Variants in PRAMEF4 observed in about 807,000 individuals in gnomAD.
The protein encoded by PRAMEF4 is PRAME family member 4, also known as RP5-845O24.6.
In PRAMEF4, 18 loss-of-function variants were observed where a neutral mutation model predicts 34.4. The observed-to-expected ratio is 0.52, with a 90% CI of 0.36 to 0.78. PRAMEF4 has a LOEUF of 0.78. Ranked by LOEUF, PRAMEF4 falls within the 30% of genes least tolerant of loss-of-function variation. The probability of loss-of-function intolerance (pLI) is 0.00; values close to 1 mark genes in which losing one functional copy is unlikely to be tolerated. For missense variants in PRAMEF4, 482 were observed against 569.1 expected, an observed-to-expected ratio of 0.85 and a Z score of 1.56; for synonymous variants, 156 against 219.3, an observed-to-expected ratio of 0.71 and a Z score of 2.55.
chr1:12,881,273 G>T (rs1640882712), intron 3 of PRAMEF4, among the ~76,000 whole-genome samples: 1 of 148,556 alleles, frequency 6.7e-6, no homozygotes, highest in Non-Finnish European at 1.5e-5. Flanking sequence ...GGCTGAGGCA[G>T]GAGAATCGCA....
At position 12,885,937 on chromosome 1, in the gene PRAMEF4, A is replaced by G. The variant is rs1404808733; in HGVS notation, c.-17+210T>C. Among the ~76,000 whole-genome samples the G allele has an allele frequency of 5.1e-5, 5 of 98,796 alleles. 1 individual carries two copies. The highest frequency in any genetic ancestry group is 9.7e-5 in the Non-Finnish European group (5 of 51,746). The allele number at this position is 98,796 out of a possible 152,430, so 64.8% of individuals were successfully genotyped here. A position where few individuals can be genotyped will look rare whatever the true frequency, so the allele number is the denominator to read the frequency against. ...TCACTGCTCCCTTCAAGAATTTTAAAATGGCATCAACCAAAGCACAATCAA... is the reference window on the plus strand; with the variant it reads ...TCACTGCTCCCTTCAAGAATTTTAAGATGGCATCAACCAAAGCACAATCAA... On this transcript the variant is annotated intron_variant, in intron 1 of 3. Transcript: ENST00000235349.
rs767309848 is a variant in PRAMEF4 at position 12,883,149 on chromosome 1, A to T, written c.246T>A (p.Ala82=). ...GCAGTGCATCCAGCCCATCGAGCAC[A>T]GCTTGGAAGGCCTCCAGACAAGGCA... ...IKMPCLEAFQ[A]VLDGLDALLN... Residue 82 remains alanine (A), a synonymous_variant, in exon 2 of 4, where the codon GCT becomes GCA. Transcript: ENST00000235349. 17 of 1,601,552 alleles carry T rather than the reference A, an allele frequency of 1.1e-5. 2 individuals are homozygous for T. The highest frequency in any genetic ancestry group is 1.8e-4 in the Middle Eastern group (1 of 5,490).
chr1:12,885,295 C>T lies in PRAMEF4; in HGVS notation c.-17+852G>A, dbSNP rs5005747. Among the ~76,000 whole-genome samples the T allele has an allele frequency of 2.2e-4, 32 of 147,840 alleles. 2 individuals are homozygous for T. The highest frequency in any genetic ancestry group is 1.4e-3 in the East Asian group (7 of 5,058). On this transcript the variant is annotated intron_variant, in intron 1 of 3. Coordinates refer to ENST00000235349, the MANE Select transcript of PRAMEF4 (RefSeq NM_001009611.4). ...CAGGCATGCACCCCCCACAGCCATGCCTCCATTTGGGTGGAAGAGGATGTG... is the reference window on the plus strand; with the variant it reads ...CAGGCATGCACCCCCCACAGCCATGTCTCCATTTGGGTGGAAGAGGATGTG...
intron 1 of PRAMEF4, among the ~76,000 whole-genome samples, chr1:12,884,350 G>T (rs1308902622): frequency 6.7e-6 from 1 of 149,428 alleles, no homozygotes; most frequent in Non-Finnish European, 1.5e-5. Context: ...AGCTTTGAAA[G>T]CTATGTGACA....
chr1:12,879,831 T>G lies in PRAMEF4; in HGVS notation c.1150A>C (p.Thr384Pro). 2 of 1,598,506 alleles carry G rather than the reference T, an allele frequency of 1.3e-6. No individual in the cohort carries two copies. Among genetic ancestry groups the G allele is most frequent in the Non-Finnish European group, 1.7e-6 (2 of 1,173,358 alleles). Reference sequence around the variant, plus strand: ...ATGGGATTTCCACAGAAGCTGAAGGTGTTGAGCTCAAAGCAGCGGCTCAGG... The same window carrying G: ...ATGGGATTTCCACAGAAGCTGAAGGGGTTGAGCTCAAAGCAGCGGCTCAGG... ...PALSRCFELN[T>P]FSFCGNPICM... Residue 384 changes from threonine (T) to proline (P), a missense_variant, in exon 4 of 4, where the codon ACC (threonine) becomes CCC (proline). Around this residue, in one of 6 missense-constraint regions of PRAMEF4, gnomAD observed 116 missense variants for 105.2 expected, o/e 1.10. Coordinates refer to ENST00000235349, the MANE Select transcript of PRAMEF4 (RefSeq NM_001009611.4).
At position 12,882,136 on chromosome 1, in the gene PRAMEF4, C is replaced by G. The variant is rs764822617; in HGVS notation, c.593G>C (p.Arg198Thr). 2 of 1,582,826 alleles carry G rather than the reference C, an allele frequency of 1.3e-6. No homozygotes were observed. Among genetic ancestry groups the G allele is most frequent in the Admixed American group, 1.7e-5 (1 of 57,330 alleles). ...KILGMPFRNI[R>T]SILKMVNLDC... ...TAGGTTCACCATTTTCAGGATGCTT[C>G]TGATATTGCGGAAGGGCATTCCCAA... Residue 198 changes from arginine (R) to threonine (T), a missense_variant, in exon 3 of 4, where the codon AGA becomes ACA. Arg to Thr is a moderately conservative substitution (Grantham distance 71). Coordinates refer to ENST00000235349, the MANE Select transcript of PRAMEF4 (RefSeq NM_001009611.4).
chr1:12,882,537 T>A, intron 2 of PRAMEF4, 102 bp from the exon 3 acceptor site: 1 of 1,495,482 alleles, frequency 6.7e-7, no homozygotes, highest in East Asian at 2.3e-5. Context: ...TTCTTGTCCC[T>A]CTCTCTGACT....
rs5005747 is a variant in PRAMEF4 at position 12,885,295 on chromosome 1, C to A, written c.-17+852G>T. 1.3e-3 allele frequency among the ~76,000 whole-genome samples: 192 copies of A among 147,884 alleles called. 13 individuals carry two copies. The highest frequency in any genetic ancestry group is 4.7e-3 in the African/African-American group (187 of 39,414). ...CAGGCATGCACCCCCCACAGCCATGCCTCCATTTGGGTGGAAGAGGATGTG... is the reference window on the plus strand; with the variant it reads ...CAGGCATGCACCCCCCACAGCCATGACTCCATTTGGGTGGAAGAGGATGTG... On this transcript the variant is annotated intron_variant, in intron 1 of 3. Coordinates refer to ENST00000235349, the MANE Select transcript of PRAMEF4 (RefSeq NM_001009611.4).
rs2486697 is a variant in PRAMEF4 at position 12,882,358 on chromosome 1, T to G, written c.371A>C (p.His124Pro). 11 of 1,547,850 alleles carry G rather than the reference T, an allele frequency of 7.1e-6. 1 individual carries two copies. The South Asian group carries it at 1.1e-4, about 16-fold the overall frequency. Reference protein sequence around the residue: ...FWMVWSEAMAHGCFLNAKRNK... With the variant: ...FWMVWSEAMAPGCFLNAKRNK... ...CCTCTTGGCATTGAGGAAGCACCCA[T>G]GGGCCATAGCTTCAGACCAAACCAT... is the stretch of plus-strand genomic sequence containing the variant. The change falls in exon 3 of 4, where the codon CAT becomes CCT. Residue 124 changes from histidine to proline, a missense_variant. This residue lies in a region of PRAMEF4 where 72 missense variants were observed against 128.9 expected (regional missense o/e 0.56). Coordinates refer to ENST00000235349, the MANE Select transcript of PRAMEF4 (RefSeq NM_001009611.4).
intron 3 of PRAMEF4, among the ~76,000 whole-genome samples, chr1:12,880,421 C>A (rs1340496154): frequency 6.7e-6 from 1 of 150,344 alleles, no homozygotes; most frequent in East Asian, 2.0e-4. Flanking sequence ...ACTAAAAATC[C>A]AAAAATTAGC....
intron 1 of PRAMEF4, among the ~76,000 whole-genome samples, chr1:12,884,792 A>T (rs551775261): frequency 3.3e-5 from 5 of 150,080 alleles, no homozygotes; most frequent in African/African-American, 1.2e-4. Flanking sequence ...GCTTTCTTAA[A>T]GATTAACTGA....
In PRAMEF4 at chr1:12,881,062, T is replaced by C. The variant is rs576054486; in HGVS notation, c.875+792A>G. ...CACTTCACTTCCCTACTTCACATCA[T>C]CTTCTTAAAAATTATCTTGTTGGCT... On this transcript the variant is annotated intron_variant, in intron 3 of 3. Coordinates refer to ENST00000235349, the MANE Select transcript of PRAMEF4 (RefSeq NM_001009611.4). Among the ~76,000 whole-genome samples the C allele has an allele frequency of 2.7e-5, 4 of 148,402 alleles. No homozygotes were observed. In the South Asian group the frequency reaches 8.6e-4, roughly 32 times the overall value.
intron 3 of PRAMEF4, among the ~76,000 whole-genome samples, chr1:12,881,410 A>G (rs2100420997): frequency 6.7e-6 from 1 of 148,950 alleles, no homozygotes; most frequent in African/African-American, 2.5e-5. Context: ...TTGTTTATTC[A>G]TTTCTGACAG....
intron 1 of PRAMEF4, among the ~76,000 whole-genome samples, chr1:12,885,798 A>T (rs1286464309): frequency 6.8e-6 from 1 of 146,474 alleles, no homozygotes; most frequent in East Asian, 2.0e-4. Context: ...CCTCAAAAAA[A>T]AAACGTTGTG....
At position 12,883,125 on chromosome 1, in the gene PRAMEF4, C is replaced by G. The variant is rs753151127; in HGVS notation, c.270G>C (p.Leu90=). The G allele has an allele frequency of 1.9e-6, 3 of 1,601,548 alleles. No individual in the cohort carries two copies. Among genetic ancestry groups the G allele is most frequent in the Non-Finnish European group, 2.6e-6 (3 of 1,174,324 alleles). ...FQAVLDGLDA[L]LNLGVRPRRW... ...ACCTGGGACGAACCCCTAGGTTAAG[C>G]AGTGCATCCAGCCCATCGAGCACAG... Residue 90 remains leucine (L), a synonymous_variant, in exon 2 of 4, where the codon CTG becomes CTC. Coordinates refer to ENST00000235349, the MANE Select transcript of PRAMEF4 (RefSeq NM_001009611.4).
In PRAMEF4 at chr1:12,886,142, C is replaced by G. The variant is rs998580987; in HGVS notation, c.-17+5G>C. On this transcript the variant is annotated splice_donor_5th_base_variant and intron_variant, in intron 1 of 3. Coordinates refer to ENST00000235349, the MANE Select transcript of PRAMEF4 (RefSeq NM_001009611.4). ...GGAGTGTCCTTACAGAAATTAGTGACTTACCAGATCTGGATGTAGTCTAGA... is the reference window on the plus strand; with the variant it reads ...GGAGTGTCCTTACAGAAATTAGTGAGTTACCAGATCTGGATGTAGTCTAGA... The G allele has an allele frequency of 2.9e-5, 4 of 140,068 alleles. No homozygotes were observed. Among genetic ancestry groups the G allele is most frequent in the African/African-American group, 1.1e-4 (4 of 36,302 alleles). 8.7% of individuals were successfully genotyped at this position (140,068 alleles called of 1,614,324 possible).
chr1:12,884,690 G>C lies in PRAMEF4; in HGVS notation c.-16-1280C>G, dbSNP rs57374797. Among the ~76,000 whole-genome samples the C allele has an allele frequency of 7.2e-3, 1,063 of 147,500 alleles. 34 individuals are homozygous for C. Among genetic ancestry groups the C allele is most frequent in the African/African-American group, 0.026 (1,025 of 39,392 alleles). Reference sequence around the variant, plus strand: ...ACATTATACCACTCCACTCCAGCCTGGGAAATAGGCTAGATTGAACAGAGA... The same window carrying C: ...ACATTATACCACTCCACTCCAGCCTCGGAAATAGGCTAGATTGAACAGAGA... On this transcript the variant is annotated intron_variant, in intron 1 of 3. Transcript: ENST00000235349.
Position 12,883,306 on chromosome 1 carries a change from A to G in PRAMEF4, c.89T>C (p.Leu30Pro), listed in dbSNP as rs753960537. The change falls in exon 2 of 4, where the codon CTG (leucine) becomes CCG (proline). Residue 30 changes from leucine (L) to proline (P), a missense_variant. By Grantham distance (98) the Leu-to-Pro change is moderately conservative. This residue lies in a region of PRAMEF4 where 172 missense variants were observed against 130.2 expected (regional missense o/e 1.32). Transcript: ENST00000235349. ...GAAAAGTTCTGTGGGCAGCTCCTCCAGGGTGGACATGGCCAAAGCTTGGTC... is the reference window on the plus strand; with the variant it reads ...GAAAAGTTCTGTGGGCAGCTCCTCCGGGGTGGACATGGCCAAAGCTTGGTC... ...LRDQALAMSTLEELPTELFPP... is the reference protein window; with the variant it reads ...LRDQALAMSTPEELPTELFPP... 7 of 1,600,026 alleles carry G rather than the reference A, an allele frequency of 4.4e-6. No homozygotes were observed. The highest frequency in any genetic ancestry group is 4.3e-6 in the Non-Finnish European group (5 of 1,173,296).
At chr1:12,881,374 A>G (rs1399495762) in intron 3 of PRAMEF4, among the ~76,000 whole-genome samples, 5 of 148,746 alleles carry the variant, frequency 3.4e-5, no homozygotes, top group South Asian at 4.3e-4. Context: ...CTCAGAAAAA[A>G]AAAGTTATCT....
Sources: gnomAD v4.1 joint callset for allele counts (sites outside exome capture counted in the v4.1 genomes callset) on GRCh38, gnomAD v4.1.1 for gene constraint, gnomAD v4.1.1 regional missense constraint, MANE v1.5 for transcripts, NCBI Gene and HGNC (gene_info 2026-07-23, HGNC 2026-07-21) for gene names.